CIROZ: variants seen among roughly 807,000 people sequenced by gnomAD.
The protein encoded by CIROZ is ciliated left-right organizer ZP-N domains-containing protein.
chr1:10,948,275 C>T, the CIROZ span: 44 of 1,613,944 alleles, frequency 2.7e-5, no homozygotes, highest in East Asian at 6.7e-5. Flanking sequence ...TCTCCACCTC[C>T]GTTCCAGAGC....
At chr1:10,949,810 T>C in the CIROZ span, 1 of 1,553,104 alleles carries the variant, frequency 6.4e-7, no homozygotes. Flanking sequence ...ACTCTGTTCC[T>C]GAACCTTCCA....
chr1:10,946,592 GGTCCAC>G, the CIROZ span: 2 of 152,136 alleles, frequency 1.3e-5, no homozygotes, highest in Non-Finnish European at 2.9e-5. Context: ...GGCGTCTGGG[GGTCCAC>G]CTTTCCAGGG....
chr1:10,966,546 A>G, the CIROZ span: 1 of 1,451,470 alleles, frequency 6.9e-7, no homozygotes, highest in Non-Finnish European at 9.1e-7. Context: ...TGGCAGGGTC[A>G]GAAATATCAG....
the CIROZ span, chr1:10,957,803 C>T: frequency 3.2e-6 from 5 of 1,574,536 alleles, no homozygotes; most frequent in Non-Finnish European, 4.3e-6. Context: ...GAGGCACGGT[C>T]ACTAGGGGTT....
the CIROZ span, chr1:10,970,141 GAAGGAAGGAAGGAAGA>G: frequency 4.3e-6 from 6 of 1,409,264 alleles, no homozygotes; most frequent in East Asian, 7.6e-5. Flanking sequence ...AGGGAGGAAG[GAAGGAAGGAAGGAAGA>G]AAGGAAGGAA....
chr1:10,956,494 G>A, the CIROZ span, among the ~76,000 whole-genome samples: 7 of 109,848 alleles, frequency 6.4e-5, no homozygotes, highest in Non-Finnish European at 1.2e-4. Context: ...TTTTTTTTTT[G>A]AGATGGAGTC....
the CIROZ span, among the ~76,000 whole-genome samples, chr1:10,977,598 A>G: frequency 6.6e-6 from 1 of 152,188 alleles, no homozygotes; most frequent in African/African-American, 2.4e-5. Flanking sequence ...GAAAGAACAG[A>G]TACATTTCTA....
At chr1:10,970,351 G>A in the CIROZ span, among the ~76,000 whole-genome samples, 23 of 151,878 alleles carry the variant, frequency 1.5e-4, no homozygotes, top group African/African-American at 5.6e-4. Flanking sequence ...CTGCAGGCTG[G>A]GCACGGTGGC....
the CIROZ span, chr1:10,964,062 G>A: frequency 6.3e-7 from 1 of 1,583,438 alleles, no homozygotes; most frequent in African/African-American, 1.4e-5. Context: ...ACCTGCCTTG[G>A]CCTTTAGAGA....
the CIROZ span, chr1:10,949,331 C>T: frequency 2.1e-6 from 1 of 480,624 alleles, no homozygotes; most frequent in Non-Finnish European, 3.8e-6. Context: ...GCTGCTGACC[C>T]CCCACCCTCT....
chr1:10,951,745 A>AAAAAAT, the CIROZ span, among the ~76,000 whole-genome samples: 34 of 119,182 alleles, frequency 2.9e-4, no homozygotes, highest in East Asian at 1.8e-3. Flanking sequence ...AAAAAAAAAA[A>AAAAAAT]ATATATATAT....
the CIROZ span, chr1:10,964,333 A>T: frequency 6.6e-7 from 1 of 1,524,444 alleles, no homozygotes. Flanking sequence ...AATAGCCTGC[A>T]ATTATAGGTC....
the CIROZ span, among the ~76,000 whole-genome samples, chr1:10,950,778 C>T: frequency 1.3e-5 from 2 of 152,210 alleles, no homozygotes; most frequent in South Asian, 4.1e-4. Flanking sequence ...AAATACAGCC[C>T]TTGGACATGT....
the CIROZ span, among the ~76,000 whole-genome samples, chr1:10,969,642 T>C: frequency 4.6e-5 from 7 of 152,212 alleles, no homozygotes; most frequent in African/African-American, 1.7e-4. Flanking sequence ...GGCAGTGTTC[T>C]TGGTTCTGAA....
chr1:10,972,464 C>CAA, the CIROZ span, among the ~76,000 whole-genome samples: 1 of 151,126 alleles, frequency 6.6e-6, no homozygotes, highest in Admixed American at 6.6e-5. Context: ...CACACACACA[C>CAA]ACTCTAGAAT....
the CIROZ span, among the ~76,000 whole-genome samples, chr1:10,962,239 A>C: frequency 0.24 from 37,084 of 152,012 alleles, 5,514 homozygotes; most frequent in South Asian, 0.48. Flanking sequence ...TGAGGTCAGG[A>C]GTTCTAGACC....
At chr1:10,948,033 A>G in the CIROZ span, 1 of 1,613,322 alleles carries the variant, frequency 6.2e-7, no homozygotes. Context: ...CATAGGAAGA[A>G]CTGCCAGGGG....
the CIROZ span, chr1:10,948,391 C>T: frequency 5.6e-6 from 9 of 1,612,972 alleles, no homozygotes; most frequent in Admixed American, 1.7e-5. Context: ...CTGGCTTGGC[C>T]GGGCTCCCCC....
chr1:10,963,010 C>T, the CIROZ span, among the ~76,000 whole-genome samples: 1 of 152,102 alleles, frequency 6.6e-6, no homozygotes, highest in East Asian at 1.9e-4. Context: ...GTCCCAGCTA[C>T]TTGGGAGGCT....
Sources: gnomAD v4.1 joint callset for allele counts (sites outside exome capture counted in the v4.1 genomes callset) on GRCh38, gnomAD v4.1.1 for gene constraint, MANE v1.5 for transcripts, NCBI Gene and HGNC (gene_info 2026-07-23, HGNC 2026-07-21) for gene names.